The following XPO4 variants were observed in gnomAD, a reference collection of about 807,000 sequenced individuals.
The protein encoded by XPO4 is exportin-4.
A neutral mutation model predicts 143.0 loss-of-function variants in XPO4; 39 were observed. That is an observed-to-expected ratio of 0.27 (90% CI 0.21 to 0.36). XPO4 has a LOEUF of 0.36. Ranked by LOEUF, XPO4 falls within the 10% of genes least tolerant of loss-of-function variation. The pLI is 1.00. For missense variants in XPO4, 907 were observed against 1,348.0 expected (o/e 0.67, Z 5.12); for synonymous variants, 439 against 474.0 (o/e 0.93, Z 0.96).
At chr13:20,799,760 T>C (rs1377280752) in intron 15 of XPO4, among the ~76,000 whole-genome samples, 1 of 152,230 alleles carries the variant, frequency 6.6e-6, no homozygotes, top group Non-Finnish European at 1.5e-5. Context: ...ATTTCTAGAA[T>C]TGTTGTAGAA....
intron 6 of XPO4, among the ~76,000 whole-genome samples, chr13:20,839,335 T>C (rs1225346143): frequency 6.6e-6 from 1 of 152,174 alleles, no homozygotes. Context: ...AATAGGTAAA[T>C]GCATAGACAG....
chr13:20,897,009 T>G (rs1248372995), intron 1 of XPO4, among the ~76,000 whole-genome samples: 1 of 152,236 alleles, frequency 6.6e-6, no homozygotes, highest in Non-Finnish European at 1.5e-5. Context: ...CAAGTCCAAC[T>G]GCAAATACAC....
chr13:20,828,449 A>G (rs939976170), intron 6 of XPO4, among the ~76,000 whole-genome samples: 3 of 152,198 alleles, frequency 2.0e-5, no homozygotes, highest in African/African-American at 7.2e-5. Context: ...CAGAAAAATT[A>G]TTATTCACAG....
At chr13:20,874,144 T>G (rs372106458) in intron 1 of XPO4, among the ~76,000 whole-genome samples, 2 of 152,272 alleles carry the variant, frequency 1.3e-5, no homozygotes. Flanking sequence ...TAGACTAACA[T>G]CTCTCAGATA....
intron 16 of XPO4, among the ~76,000 whole-genome samples, chr13:20,798,719 A>G (rs1228085673): frequency 1.3e-5 from 2 of 152,192 alleles, no homozygotes; most frequent in African/African-American, 2.4e-5. Context: ...AAAAAATATC[A>G]GAAAAGCTAT....
rs2060213617 is a variant in XPO4, at chr13:20,862,738, G to T, written c.296C>A (p.Thr99Asn). ...TTACTTGGGCCTTTGTAAGACATAG[G>T]TTAAAAGGAATGTTCGCAGAGACTC... Reference protein sequence around the residue: ...SIESLRTFLLTYVLQRPNLQK... With the variant: ...SIESLRTFLLNYVLQRPNLQK... The change falls in exon 3 of 23, where the codon ACC becomes AAC. Residue 99 changes from threonine to asparagine, a missense_variant. By Grantham distance (65) the Thr-to-Asn change is moderately conservative (BLOSUM62 0). Coordinates refer to ENST00000255305, the MANE Select transcript of XPO4 (RefSeq NM_022459.5). The T allele has an allele frequency of 6.2e-7, 1 of 1,614,094 alleles. No individual in the cohort carries two copies. The highest frequency in any genetic ancestry group is 8.5e-7 in the Non-Finnish European group (1 of 1,179,996).
intron 1 of XPO4, chr13:20,869,706 G>T: frequency 1.9e-6 from 1 of 532,984 alleles, no homozygotes; most frequent in Non-Finnish European, 2.4e-6. Flanking sequence ...TGAATCTCTG[G>T]CTTCAGAGAA....
rs562327689 is a variant in XPO4, at chr13:20,879,631, G to T, written c.70-10930C>A. ...CAAGTTTACAGAACAATAAATTAAA[G>T]AATCAGACAAACGAAACTCACAAAT... On this transcript the variant is annotated intron_variant, in intron 1 of 22. Coordinates refer to ENST00000255305, the MANE Select transcript of XPO4 (RefSeq NM_022459.5). Among the ~76,000 whole-genome samples the T allele has an allele frequency of 1.9e-4, 29 of 152,144 alleles. No individual in the cohort carries two copies. The East Asian group carries it at 5.2e-3, about 27-fold the overall frequency.
At chr13:20,851,376 T>G in intron 4 of XPO4, 1 of 985,406 alleles carries the variant, frequency 1.0e-6, no homozygotes, top group Non-Finnish European at 1.2e-6. Context: ...CACTGAAGTA[T>G]ACTGATTTCC....
At chr13:20,848,351 A>C in intron 4 of XPO4, 1 of 985,414 alleles carries the variant, frequency 1.0e-6, no homozygotes, top group Non-Finnish European at 1.2e-6. Flanking sequence ...TTCCTTCTTC[A>C]AATAACTGTG....
At chr13:20,862,997 C>T in intron 2 of XPO4, 139 bp from the exon 3 acceptor site, 1 of 1,455,916 alleles carries the variant, frequency 6.9e-7, no homozygotes, top group African/African-American at 1.4e-5. Flanking sequence ...AGTGACCTTG[C>T]TCTAGCACCA....
chr13:20,796,179 T>G lies in XPO4; in HGVS notation c.2694A>C (p.Arg898Ser). ...VYSKNNLGRQRIDVTAEEEQY... is the reference protein window; with the variant it reads ...VYSKNNLGRQSIDVTAEEEQY... The stretch of plus-strand genomic sequence containing the variant: ...GCTCTTCTTCTGCTGTAACATCTAT[T>G]CTTTGCCGCCCTAAATTATTCTTAG... The change falls in exon 18 of 23, where the codon AGA becomes AGC. Residue 898 changes from arginine to serine, a missense_variant. Arg to Ser is a moderately radical substitution (Grantham distance 110). Coordinates refer to ENST00000255305, the MANE Select transcript of XPO4 (RefSeq NM_022459.5). 4.3e-6 allele frequency: 7 copies of G among 1,613,778 alleles called. No homozygotes were observed. The highest frequency in any genetic ancestry group is 2.2e-5 in the East Asian group (1 of 44,836).
At chr13:20,897,513 A>G (rs2060581106) in intron 1 of XPO4, among the ~76,000 whole-genome samples, 1 of 152,202 alleles carries the variant, frequency 6.6e-6, no homozygotes, top group Non-Finnish European at 1.5e-5. Flanking sequence ...TACTTCTATT[A>G]TAACTTTACC....
chr13:20,882,957 C>T lies in XPO4; in HGVS notation c.70-14256G>A, dbSNP rs150550153. 3.3e-5 allele frequency among the ~76,000 whole-genome samples: 5 copies of T among 152,196 alleles called. No individual in the cohort carries two copies. In the East Asian group the frequency reaches 9.7e-4, roughly 29 times the overall value. Reference sequence around the variant, plus strand: ...CCATTCTCTGCTGTACTCAGAGCCCCGAGAGGCTGACCTCTAGACACCACA... The same window carrying T: ...CCATTCTCTGCTGTACTCAGAGCCCTGAGAGGCTGACCTCTAGACACCACA... On this transcript the variant is annotated intron_variant, in intron 1 of 22. Transcript: ENST00000255305.
chr13:20,845,711 T>C (rs1228202277), intron 4 of XPO4, among the ~76,000 whole-genome samples: 2 of 152,216 alleles, frequency 1.3e-5, no homozygotes, highest in East Asian at 3.8e-4. Flanking sequence ...GTGCCAGCAA[T>C]TAACATTAGA....
At chr13:20,832,095 G>A (rs909229373) in intron 6 of XPO4, among the ~76,000 whole-genome samples, 4 of 151,978 alleles carry the variant, frequency 2.6e-5, no homozygotes, top group Admixed American at 2.6e-4. Context: ...TGAAATCAAA[G>A]GCATATATAA....
At chr13:20,804,250 C>T (rs959134941) in intron 13 of XPO4, among the ~76,000 whole-genome samples, 6 of 148,664 alleles carry the variant, frequency 4.0e-5, no homozygotes, top group East Asian at 3.9e-4. Context: ...TATATATATA[C>T]ACACACACAC....
At chr13:20,852,029 A>G (rs556660712) in intron 4 of XPO4, 2 of 985,404 alleles carry the variant, frequency 2.0e-6, no homozygotes, top group African/African-American at 3.5e-5. Context: ...TTCCTGAGAG[A>G]GGCAAGGGAC....
intron 3 of XPO4, chr13:20,860,017 G>C (rs1487165113): frequency 5.5e-6 from 1 of 180,298 alleles, no homozygotes; most frequent in African/African-American, 2.4e-5. Context: ...AAGCTCCCCT[G>C]CTGGCCCTGA....
Sources: gnomAD v4.1 joint callset for allele counts (sites outside exome capture counted in the v4.1 genomes callset) on GRCh38, gnomAD v4.1.1 for gene constraint, MANE v1.5 for transcripts, NCBI Gene and HGNC (gene_info 2026-07-23, HGNC 2026-07-21) for gene names.